Variants in AGBL4 observed in about 807,000 individuals in gnomAD.
AGBL4 encodes the protein AGBL carboxypeptidase 4, also known as cytosolic carboxypeptidase 6.
A neutral mutation model predicts 66.4 loss-of-function variants in AGBL4; 58 were observed. The observed-to-expected ratio is 0.87, with a 90% CI of 0.71 to 1.09. The LOEUF (loss-of-function observed/expected upper bound fraction) is 1.09. Among genes scored for constraint, AGBL4 ranks in the 50% least tolerant of loss-of-function variants. The probability of loss-of-function intolerance (pLI) is 0.00; values close to 1 mark genes in which losing one functional copy is unlikely to be tolerated. For synonymous variants in AGBL4, 234 were observed against 222.9 expected, an observed-to-expected ratio of 1.05 and a Z score of -0.44; for missense variants, 579 against 631.0, an observed-to-expected ratio of 0.92 and a Z score of 0.88.
At chr1:49,433,349 T>C (rs1570704780) in intron 3 of AGBL4, among the ~76,000 whole-genome samples, 1 of 152,096 alleles carries the variant, frequency 6.6e-6, no homozygotes, top group African/African-American at 2.4e-5. Flanking sequence ...CAATCTGTGG[T>C]ATCTGACACT....
rs75926009 is a variant in AGBL4 at position 49,730,233 on chromosome 1, T to C, written c.158-32796A>G. On this transcript the variant is annotated intron_variant, in intron 2 of 13. Transcript: ENST00000371839. ...TTTCTGCCTTGCTCATTCTCCAGTG[T>C]CTGCATGCCCTATTCTTCTTGGTCA... is the stretch of plus-strand genomic sequence containing the variant. Among the ~76,000 whole-genome samples, 62 of 152,190 alleles carry C rather than the reference T, an allele frequency of 4.1e-4. No individual in the cohort carries two copies. The East Asian group carries it at 0.012, about 29-fold the overall frequency.
At chr1:48,988,115 T>A (rs1053543375) in intron 5 of AGBL4, among the ~76,000 whole-genome samples, 7 of 152,114 alleles carry the variant, frequency 4.6e-5, no homozygotes, top group Non-Finnish European at 8.8e-5. Context: ...GGAAAATTCA[T>A]CCATCTTCTG....
intron 6 of AGBL4, among the ~76,000 whole-genome samples, chr1:48,721,243 A>G (rs1211885047): frequency 1.3e-5 from 2 of 152,156 alleles, no homozygotes; most frequent in African/African-American, 2.4e-5. Flanking sequence ...GAATTAGGGT[A>G]TAGTGTAAGA....
At chr1:49,408,874 A>G (rs1476023036) in intron 3 of AGBL4, among the ~76,000 whole-genome samples, 1 of 152,148 alleles carries the variant, frequency 6.6e-6, no homozygotes, top group Non-Finnish European at 1.5e-5. Context: ...GTGTGAGTCA[A>G]TACTCCTTAA....
intron 6 of AGBL4, among the ~76,000 whole-genome samples, chr1:48,796,787 G>T (rs1016995976): frequency 6.6e-6 from 1 of 152,152 alleles, no homozygotes; most frequent in African/African-American, 2.4e-5. Flanking sequence ...TACAGATTGG[G>T]TCCCACACTA....
chr1:49,173,483 T>C (rs903502560), intron 4 of AGBL4, among the ~76,000 whole-genome samples: 3 of 152,190 alleles, frequency 2.0e-5, no homozygotes, highest in African/African-American at 4.8e-5. Flanking sequence ...GACTTTGCCA[T>C]TGTATATTTA....
chr1:49,305,669 C>T (rs1172577492), intron 3 of AGBL4, among the ~76,000 whole-genome samples: 2 of 150,110 alleles, frequency 1.3e-5, no homozygotes, highest in Non-Finnish European at 3.0e-5. Flanking sequence ...TTACTGGTCT[C>T]GGAAAGTAAT....
chr1:48,742,851 C>CT (rs1650132258), intron 6 of AGBL4: 1 of 1,346,226 alleles, frequency 7.4e-7, no homozygotes, highest in Admixed American at 2.8e-5. Flanking sequence ...CATCTATCAG[C>CT]ACACCATGGC....
intron 6 of AGBL4, among the ~76,000 whole-genome samples, chr1:48,692,343 C>T (rs72902830): frequency 0.025 from 3,840 of 152,190 alleles, 158 homozygotes; most frequent in African/African-American, 0.088. Context: ...GTACTGGGGG[C>T]GGCACGCTGG....
chr1:49,179,168 A>G (rs1375973173), intron 4 of AGBL4, among the ~76,000 whole-genome samples: 1 of 152,198 alleles, frequency 6.6e-6, no homozygotes, highest in African/African-American at 2.4e-5. Flanking sequence ...ATCTGGTTGC[A>G]GTATTAATAA....
rs1250208563 is a variant in AGBL4, at chr1:49,282,915, C to A, written c.283-37051G>T. Among the ~76,000 whole-genome samples the A allele has an allele frequency of 5.9e-5, 9 of 152,246 alleles. No homozygotes were observed. The South Asian group carries it at 6.2e-4, about 11-fold the overall frequency. ...ACTGCTAGCACAGCAGTCTGAGATC[C>A]AACTGCAAGGCGGCAGCGAGGCTGG... On this transcript the variant is annotated intron_variant, in intron 3 of 13. Coordinates refer to ENST00000371839, the MANE Select transcript of AGBL4 (RefSeq NM_032785.4).
At chr1:49,683,542 A>G (rs1273250230) in intron 3 of AGBL4, among the ~76,000 whole-genome samples, 7 of 152,300 alleles carry the variant, frequency 4.6e-5, no homozygotes, top group African/African-American at 1.7e-4. Flanking sequence ...CCATCAGGGA[A>G]AGGAACACAT....
At position 48,768,551 on chromosome 1, in the gene AGBL4, C is replaced by T. The variant is rs1570599781; in HGVS notation, c.634+98640G>A. Reference sequence around the variant, plus strand: ...TGTTTTAGAAAAAACAAGCAGGTGACAGGAAACCCAATGCAAGTCTGTATT... The same window carrying T: ...TGTTTTAGAAAAAACAAGCAGGTGATAGGAAACCCAATGCAAGTCTGTATT... On this transcript the variant is annotated intron_variant, in intron 6 of 13. Transcript: ENST00000371839. 2.0e-5 allele frequency among the ~76,000 whole-genome samples: 3 copies of T among 152,232 alleles called. No individual in the cohort carries two copies. The East Asian group carries it at 5.8e-4, about 29-fold the overall frequency.
chr1:49,383,790 T>A (rs1460741994), intron 3 of AGBL4, among the ~76,000 whole-genome samples: 1 of 146,466 alleles, frequency 6.8e-6, no homozygotes, highest in East Asian at 1.9e-4. Flanking sequence ...CAAATGAGAC[T>A]GTATATATAT....
chr1:48,814,999 C>T (rs1180521250), intron 6 of AGBL4, among the ~76,000 whole-genome samples: 1 of 152,164 alleles, frequency 6.6e-6, no homozygotes, highest in Non-Finnish European at 1.5e-5. Context: ...AGTGGCTGTA[C>T]TAGTTTACAT....
At chr1:49,957,621 CTTT>C (rs1189464025) in intron 1 of AGBL4, among the ~76,000 whole-genome samples, 2 of 152,006 alleles carry the variant, frequency 1.3e-5, no homozygotes, top group East Asian at 3.9e-4. Flanking sequence ...TAATGGCCTT[CTTT>C]GTCTCTTTTG....
At position 49,493,153 on chromosome 1, in the gene AGBL4, A is replaced by G. The variant is rs568447573; in HGVS notation, c.282+204160T>C. 2.6e-5 allele frequency among the ~76,000 whole-genome samples: 4 copies of G among 152,118 alleles called. No individual in the cohort carries two copies. In the East Asian group the frequency reaches 7.8e-4, roughly 30 times the overall value. ...ACACATGGGGATTATGGAAACTACA[A>G]TTCAGGATGAGATTTGGGTGGGGAC... On this transcript the variant is annotated intron_variant, in intron 3 of 13. Coordinates refer to ENST00000371839, the MANE Select transcript of AGBL4 (RefSeq NM_032785.4).
intron 2 of AGBL4, chr1:49,845,648 C>T: frequency 1.2e-6 from 2 of 1,608,190 alleles, no homozygotes; most frequent in African/African-American, 2.7e-5. Flanking sequence ...AGGACCCACA[C>T]AGGAGAAAAG....
intron 3 of AGBL4, among the ~76,000 whole-genome samples, chr1:49,405,092 T>A (rs996931180): frequency 2.6e-5 from 4 of 152,212 alleles, no homozygotes. Context: ...ATTCTCTCAA[T>A]GTCTACTTCA....
Sources: allele counts gnomAD v4.1 joint callset (sites outside exome capture counted in the v4.1 genomes callset), GRCh38; gene constraint gnomAD v4.1.1; transcripts MANE v1.5; gene names NCBI Gene and HGNC (gene_info 2026-07-23, HGNC 2026-07-21).